The following BMPR1A variants were observed in gnomAD, a reference collection of about 807,000 sequenced individuals.
The protein encoded by BMPR1A is bone morphogenetic protein receptor type 1A.
In BMPR1A, 7 loss-of-function variants were observed where a neutral mutation model predicts 66.0. The ratio of observed to expected loss-of-function variants is 0.11; its 90% CI spans 0.06 to 0.20. The LOEUF is 0.20. Among genes scored for constraint, BMPR1A ranks in the 10% least tolerant of loss-of-function variants. The pLI, the probability that BMPR1A is intolerant of heterozygous loss-of-function variation, is 1.00. For missense variants in BMPR1A, 408 were observed against 669.1 expected (o/e 0.61, Z 4.31); for synonymous variants, 200 against 229.7 (o/e 0.87, Z 1.17).
intron 8 of BMPR1A, among the ~76,000 whole-genome samples, chr10:86,915,352 G>T (rs369024257): frequency 6.6e-6 from 1 of 152,088 alleles, no homozygotes; most frequent in Non-Finnish European, 1.5e-5. Context: ...ATTTTTTTAC[G>T]TTATTAAAAT....
chr10:86,763,481 AAG>A (rs1330043120), intron 1 of BMPR1A, among the ~76,000 whole-genome samples: 1 of 152,174 alleles, frequency 6.6e-6, no homozygotes, highest in Non-Finnish European at 1.5e-5. Flanking sequence ...AAAAAAGAAA[AAG>A]AAAGAAAATA....
intron 3 of BMPR1A, among the ~76,000 whole-genome samples, chr10:86,886,113 C>T (rs563940569): frequency 4.6e-5 from 7 of 152,130 alleles, no homozygotes; most frequent in African/African-American, 1.4e-4. Context: ...CCCCAGGGCT[C>T]GTAGTTTATT....
chr10:86,849,792 T>C (rs1279678187), intron 2 of BMPR1A, among the ~76,000 whole-genome samples: 1 of 152,234 alleles, frequency 6.6e-6, no homozygotes, highest in Non-Finnish European at 1.5e-5. Context: ...ATGTTGTTCC[T>C]AGGTATCACA....
intron 7 of BMPR1A, among the ~76,000 whole-genome samples, chr10:86,910,170 T>TAA (rs997430402): frequency 1.3e-5 from 2 of 149,886 alleles, no homozygotes; most frequent in African/African-American, 4.9e-5. Flanking sequence ...CCATCTCTAC[T>TAA]AAAAAAAAAT....
In BMPR1A at chr10:86,810,559, T is replaced by G. The variant is rs192273520; in HGVS notation, c.-267-28306T>G. On this transcript the variant is annotated intron_variant, in intron 1 of 12. Coordinates refer to ENST00000372037, the MANE Select transcript of BMPR1A (RefSeq NM_004329.3). Reference sequence around the variant, plus strand: ...CAGGTTATAAAAGTTCCAGCTTCTCTGCATCCTTGGCAACATTTGTTATTA... The same window carrying G: ...CAGGTTATAAAAGTTCCAGCTTCTCGGCATCCTTGGCAACATTTGTTATTA... Among the ~76,000 whole-genome samples, 8 of 152,384 alleles carry G rather than the reference T, an allele frequency of 5.2e-5. No homozygotes were observed. The East Asian group carries it at 1.3e-3, about 26-fold the overall frequency.
At chr10:86,835,473 C>T (rs980268551) in intron 1 of BMPR1A, among the ~76,000 whole-genome samples, 2 of 137,080 alleles carry the variant, frequency 1.5e-5, no homozygotes, top group African/African-American at 2.8e-5. Context: ...ATGGCTTGAA[C>T]CCAGGAGGCA....
chr10:86,921,198 G>C (rs527743040), intron 10 of BMPR1A, among the ~76,000 whole-genome samples: 4 of 152,174 alleles, frequency 2.6e-5, no homozygotes, highest in Non-Finnish European at 5.9e-5. Flanking sequence ...TTAGACACCA[G>C]ACTTATTTAG....
chr10:86,830,584 T>C (rs1218449522), intron 1 of BMPR1A, among the ~76,000 whole-genome samples: 2 of 152,250 alleles, frequency 1.3e-5, no homozygotes, highest in Non-Finnish European at 2.9e-5. Flanking sequence ...TCTAGTAATG[T>C]TGACCATATC....
intron 2 of BMPR1A, among the ~76,000 whole-genome samples, chr10:86,872,609 T>G (rs1421372699): frequency 6.6e-6 from 1 of 152,090 alleles, no homozygotes; most frequent in Non-Finnish European, 1.5e-5. Context: ...GTGTTAGCTA[T>G]TATTTTATAT....
rs528947077 is a variant in BMPR1A, at chr10:86,913,479, A to G, written c.675+1095A>G. Among the ~76,000 whole-genome samples, 120 of 152,146 alleles carry G rather than the reference A, an allele frequency of 7.9e-4. 1 individual carries two copies. Among genetic ancestry groups the G allele is most frequent in the Non-Finnish European group, 1.6e-3 (107 of 68,000 alleles). ...ATTAAATAACTCTAATTGAATTGGAAAGGTAAAAGTAAAACTGCCTTCATA... is the reference window on the plus strand; with the variant it reads ...ATTAAATAACTCTAATTGAATTGGAGAGGTAAAAGTAAAACTGCCTTCATA... On this transcript the variant is annotated intron_variant, in intron 8 of 12. Coordinates refer to ENST00000372037, the MANE Select transcript of BMPR1A (RefSeq NM_004329.3).
chr10:86,842,281 T>G (rs915241471), intron 2 of BMPR1A, among the ~76,000 whole-genome samples: 2 of 152,164 alleles, frequency 1.3e-5, no homozygotes, highest in Non-Finnish European at 2.9e-5. Flanking sequence ...CCTCACACAT[T>G]TGGTAAGAAA....
At chr10:86,931,280 T>TACACACACACAC (rs1271685565), downstream of BMPR1A, 5 of 96,814 alleles carry the variant, frequency 5.2e-5, no homozygotes, top group African/African-American at 2.2e-4. Flanking sequence ...TATATATATA[T>TACACACACACAC]ACACACACAC....
chr10:86,809,595 C>CTTTTTTT (rs71019431), intron 1 of BMPR1A, among the ~76,000 whole-genome samples: 7 of 123,868 alleles, frequency 5.7e-5, no homozygotes, highest in African/African-American at 9.5e-5. Flanking sequence ...CACCCGACCT[C>CTTTTTTT]TTTTTTTTTT....
At chr10:86,886,090 T>C (rs1049665581) in intron 3 of BMPR1A, among the ~76,000 whole-genome samples, 7 of 152,180 alleles carry the variant, frequency 4.6e-5, no homozygotes, top group Non-Finnish European at 7.3e-5. Flanking sequence ...ATATAACCTA[T>C]ACCCCCAGTC....
intron 1 of BMPR1A, among the ~76,000 whole-genome samples, chr10:86,771,641 T>C (rs746526001): frequency 4.6e-5 from 7 of 152,240 alleles, no homozygotes; most frequent in Non-Finnish European, 8.8e-5. Context: ...AGGAGAATTT[T>C]AAGATGAGGA....
intron 1 of BMPR1A, among the ~76,000 whole-genome samples, chr10:86,792,063 CTTTTTTTTTT>C (rs35251758): frequency 1.2e-5 from 1 of 83,602 alleles, no homozygotes; most frequent in African/African-American, 4.1e-5. Context: ...ACTGTCAGAT[CTTTTTTTTTT>C]TTTTTTTTTT....
At chr10:86,877,508 A>G (rs1001216822) in intron 3 of BMPR1A, among the ~76,000 whole-genome samples, 4 of 152,202 alleles carry the variant, frequency 2.6e-5, no homozygotes, top group Non-Finnish European at 4.4e-5. Context: ...TGCCTGGCTG[A>G]TATTTTCATC....
chr10:86,815,065 G>A (rs1033581897), intron 1 of BMPR1A, among the ~76,000 whole-genome samples: 1 of 152,168 alleles, frequency 6.6e-6, no homozygotes, highest in South Asian at 2.1e-4. Context: ...TTACAGGCGT[G>A]AGCTACCATG....
intron 2 of BMPR1A, among the ~76,000 whole-genome samples, chr10:86,864,419 T>C (rs1842753296): frequency 5.9e-5 from 9 of 152,208 alleles, no homozygotes; most frequent in Admixed American, 5.9e-4. Context: ...GTAGCCTGTC[T>C]AATGACTTCT....
Sources: gnomAD v4.1 joint callset for allele counts (sites outside exome capture counted in the v4.1 genomes callset) on GRCh38, gnomAD v4.1.1 for gene constraint, MANE v1.5 for transcripts, NCBI Gene and HGNC (gene_info 2026-07-23, HGNC 2026-07-21) for gene names.